ATP8A2: variants seen among roughly 807,000 people sequenced by gnomAD.
ATP8A2 encodes the protein ATPase phospholipid transporting 8A2.
ATP8A2 carries 100 observed loss-of-function variants against 165.6 expected under a neutral mutation model. The observed-to-expected ratio is 0.60, with a 90% CI of 0.51 to 0.71. The LOEUF (loss-of-function observed/expected upper bound fraction) is 0.71. Ranked by LOEUF, ATP8A2 falls within the 30% of genes least tolerant of loss-of-function variation. The probability of loss-of-function intolerance (pLI) is 0.00; values close to 1 mark genes in which losing one functional copy is unlikely to be tolerated. For missense variants in ATP8A2, 1,227 were observed against 1,479.5 expected, an observed-to-expected ratio of 0.83 and a Z score of 2.80; for synonymous variants, 543 against 548.8, an observed-to-expected ratio of 0.99 and a Z score of 0.15.
At chr13:26,010,962 GCCAGGGCCCCACT>G (rs1271533259) in intron 35 of ATP8A2, among the ~76,000 whole-genome samples, 2 of 152,160 alleles carry the variant, frequency 1.3e-5, no homozygotes, top group Non-Finnish European at 2.9e-5. Flanking sequence ...GTGAAGAAGA[GCCAGGGCCCCACT>G]CCTCTTTCGA....
intron 24 of ATP8A2, among the ~76,000 whole-genome samples, chr13:25,693,671 GTCTCTC>G (rs71186897): frequency 0.11 from 15,851 of 148,890 alleles, 952 homozygotes; most frequent in East Asian, 0.27. Flanking sequence ...AGATCTCTCT[GTCTCTC>G]TCTCTCTCTC....
chr13:25,600,230 G>C (rs2040346947), intron 24 of ATP8A2, among the ~76,000 whole-genome samples: 1 of 152,182 alleles, frequency 6.6e-6, no homozygotes. Flanking sequence ...TGATTGTCAA[G>C]GGAATTGCGA....
chr13:25,402,295 C>T (rs1166369555), intron 1 of ATP8A2, among the ~76,000 whole-genome samples: 1 of 152,128 alleles, frequency 6.6e-6, no homozygotes, highest in Non-Finnish European at 1.5e-5. Flanking sequence ...CCATGGTTGA[C>T]TGCAAGGAAC....
At chr13:25,429,541 A>G (rs890711534) in intron 1 of ATP8A2, among the ~76,000 whole-genome samples, 2 of 114,204 alleles carry the variant, frequency 1.8e-5, no homozygotes, top group Admixed American at 1.0e-4. Flanking sequence ...AGTCATTTGT[A>G]CCCTTGAATG....
intron 30 of ATP8A2, among the ~76,000 whole-genome samples, chr13:25,851,368 G>A (rs1461817547): frequency 6.6e-6 from 1 of 152,170 alleles, no homozygotes; most frequent in African/African-American, 2.4e-5. Context: ...GATCACCTGA[G>A]GTCAAGACTT....
At chr13:25,395,164 C>T (rs769315015) in intron 1 of ATP8A2, among the ~76,000 whole-genome samples, 66 of 152,074 alleles carry the variant, frequency 4.3e-4, no homozygotes, top group Non-Finnish European at 7.5e-4. Flanking sequence ...GCAGGGCCCT[C>T]GCTCCTGAAC....
chr13:25,961,198 G>T (rs916957330), intron 33 of ATP8A2, among the ~76,000 whole-genome samples: 1 of 152,180 alleles, frequency 6.6e-6, no homozygotes, highest in Admixed American at 6.5e-5. Context: ...GAGAGAAAAG[G>T]AGCTGATGAT....
intron 1 of ATP8A2, among the ~76,000 whole-genome samples, chr13:25,438,980 G>C (rs1241122284): frequency 6.6e-6 from 1 of 152,182 alleles, no homozygotes; most frequent in Admixed American, 6.5e-5. Flanking sequence ...AATTCAAAGT[G>C]GAAAGGAGGC....
chr13:25,749,207 C>T (rs1322833824), intron 25 of ATP8A2, among the ~76,000 whole-genome samples: 1 of 152,186 alleles, frequency 6.6e-6, no homozygotes, highest in African/African-American at 2.4e-5. Context: ...GAGAACAGAC[C>T]TTTGCCTTGC....
At chr13:25,822,422 G>T (rs766596146) in intron 27 of ATP8A2, among the ~76,000 whole-genome samples, 1 of 152,162 alleles carries the variant, frequency 6.6e-6, no homozygotes, top group African/African-American at 2.4e-5. Context: ...CACCAGCTGG[G>T]TATTACAGTG....
At chr13:25,592,032 T>G (rs1165649124) in intron 24 of ATP8A2, among the ~76,000 whole-genome samples, 1 of 151,822 alleles carries the variant, frequency 6.6e-6, no homozygotes, top group East Asian at 1.9e-4. Flanking sequence ...ACACTGGTTT[T>G]TTTTTTTTTA....
chr13:25,921,441 C>T (rs1039303962), intron 33 of ATP8A2, among the ~76,000 whole-genome samples: 68 of 150,670 alleles, frequency 4.5e-4, no homozygotes, highest in African/African-American at 1.6e-3. Flanking sequence ...GTTGGTGAAA[C>T]CCTGTCTCTG....
intron 27 of ATP8A2, among the ~76,000 whole-genome samples, chr13:25,816,909 C>A (rs1181791413): frequency 6.6e-6 from 1 of 152,126 alleles, no homozygotes; most frequent in Non-Finnish European, 1.5e-5. Flanking sequence ...TGCAGCCAGG[C>A]ACTAAATCTT....
intron 1 of ATP8A2, among the ~76,000 whole-genome samples, chr13:25,388,811 G>A (rs2033146789): frequency 6.6e-6 from 1 of 152,176 alleles, no homozygotes. Flanking sequence ...GCAGTGACAC[G>A]GCCAGCAATG....
At chr13:25,392,708 A>T (rs2033290350) in intron 1 of ATP8A2, among the ~76,000 whole-genome samples, 1 of 152,220 alleles carries the variant, frequency 6.6e-6, no homozygotes, top group Non-Finnish European at 1.5e-5. Flanking sequence ...ACTTCAGAGC[A>T]GTGACCCCAT....
At chr13:25,756,600 C>A (rs892533952) in intron 25 of ATP8A2, among the ~76,000 whole-genome samples, 2 of 152,152 alleles carry the variant, frequency 1.3e-5, no homozygotes, top group Non-Finnish European at 2.9e-5. Context: ...CTTGTCTTGG[C>A]CACTTCTTAG....
intron 2 of ATP8A2, among the ~76,000 whole-genome samples, chr13:25,481,181 G>GACCGTGGGGAC (rs2036186500): frequency 6.8e-6 from 1 of 146,954 alleles, no homozygotes; most frequent in Admixed American, 6.7e-5. Context: ...GGGAGAGGGA[G>GACCGTGGGGAC]AGGGAGAGGG....
chr13:25,839,475 G>A (rs1227715511), intron 29 of ATP8A2, 71 bp from the exon 30 acceptor site: 47 of 1,052,246 alleles, frequency 4.5e-5, no homozygotes, highest in East Asian at 2.4e-4. Flanking sequence ...ACAATGTGGC[G>A]TTTGTTGAGA....
At chr13:25,516,847 C>T (rs2037490978) in intron 2 of ATP8A2, among the ~76,000 whole-genome samples, 1 of 147,826 alleles carries the variant, frequency 6.8e-6, no homozygotes, top group South Asian at 2.2e-4. Flanking sequence ...GTGGAGCAAT[C>T]TCAGCTCACT....
Sources: allele counts gnomAD v4.1 joint callset (sites outside exome capture counted in the v4.1 genomes callset), GRCh38; gene constraint gnomAD v4.1.1; transcripts MANE v1.5; gene names NCBI Gene and HGNC (gene_info 2026-07-23, HGNC 2026-07-21).